The following SAMD12 variants were observed in gnomAD, a reference collection of about 807,000 sequenced individuals.
The protein encoded by SAMD12 is sterile alpha motif domain-containing protein 12.
SAMD12 carries 9 observed loss-of-function variants against 15.0 expected under a neutral mutation model. The observed-to-expected ratio is 0.60, with a 90% confidence interval of 0.36 to 1.05. The LOEUF is 1.05. Among genes scored for constraint, SAMD12 ranks in the 50% least tolerant of loss-of-function variants. The probability of loss-of-function intolerance (pLI) is 0.01; values close to 1 mark genes in which losing one functional copy is unlikely to be tolerated. For missense variants in SAMD12, 230 were observed against 234.2 expected, an observed-to-expected ratio of 0.98 and a Z score of 0.12; for synonymous variants, 86 against 90.1, an observed-to-expected ratio of 0.96 and a Z score of 0.25.
intron 4 of SAMD12, among the ~76,000 whole-genome samples, chr8:118,366,644 C>T (rs1001775581): frequency 1.3e-5 from 2 of 151,560 alleles, no homozygotes; most frequent in African/African-American, 4.9e-5. Context: ...GAAATCCCGT[C>T]TCTACTAAAA....
At chr8:118,394,842 T>G (rs1586658446) in intron 3 of SAMD12, 1 of 152,160 alleles carries the variant, frequency 6.6e-6, no homozygotes, top group East Asian at 1.9e-4. Flanking sequence ...GAGAAGGAAG[T>G]CGAGCTCATA....
intron 3 of SAMD12, among the ~76,000 whole-genome samples, chr8:118,438,114 G>T (rs569071410): frequency 6.6e-6 from 1 of 152,162 alleles, no homozygotes; most frequent in African/African-American, 2.4e-5. Flanking sequence ...TCTTAAGGGA[G>T]GAACTAAGAA....
chr8:118,584,313 A>G (rs1013927231), intron 1 of SAMD12, among the ~76,000 whole-genome samples: 1 of 151,730 alleles, frequency 6.6e-6, no homozygotes, highest in African/African-American at 2.4e-5. Context: ...AAATCAAACA[A>G]CTCTCCAATG....
At chr8:118,436,880 C>T (rs947125827) in intron 3 of SAMD12, among the ~76,000 whole-genome samples, 8 of 152,212 alleles carry the variant, frequency 5.3e-5, no homozygotes, top group African/African-American at 1.9e-4. Flanking sequence ...ACCTTCATAG[C>T]AACACTATGA....
At chr8:118,535,703 T>C (rs933918314) in intron 2 of SAMD12, among the ~76,000 whole-genome samples, 1 of 152,206 alleles carries the variant, frequency 6.6e-6, no homozygotes, top group Non-Finnish European at 1.5e-5. Context: ...CAGACTGCTG[T>C]GCCAGCAGTG....
At chr8:118,142,575 C>A in the SAMD12 span, among the ~76,000 whole-genome samples, 1 of 152,184 alleles carries the variant, frequency 6.6e-6, no homozygotes, top group African/African-American at 2.4e-5. Context: ...CTCAGATCAA[C>A]GGGCTAACTT....
intron 4 of SAMD12, among the ~76,000 whole-genome samples, chr8:118,365,385 A>C (rs775098259): frequency 6.6e-6 from 1 of 152,194 alleles, no homozygotes; most frequent in Non-Finnish European, 1.5e-5. Flanking sequence ...CTAAGTAAAG[A>C]GGAGCTGCCC....
At chr8:118,413,204 C>A (rs1821502219) in intron 3 of SAMD12, among the ~76,000 whole-genome samples, 1 of 152,118 alleles carries the variant, frequency 6.6e-6, no homozygotes, top group Admixed American at 6.5e-5. Context: ...CACCAGGAGA[C>A]AAACTTGTGA....
chr8:118,348,876 C>T (rs1817808712), intron 4 of SAMD12, among the ~76,000 whole-genome samples: 1 of 152,192 alleles, frequency 6.6e-6, no homozygotes, highest in Non-Finnish European at 1.5e-5. Context: ...CGAGGAAGCC[C>T]TGACACTCAA....
chr8:118,542,667 G>A (rs1826018590), intron 2 of SAMD12, among the ~76,000 whole-genome samples: 1 of 152,162 alleles, frequency 6.6e-6, no homozygotes, highest in Non-Finnish European at 1.5e-5. Flanking sequence ...TATATAACTA[G>A]ATCCAAGTGA....
the SAMD12 span, among the ~76,000 whole-genome samples, chr8:118,155,000 C>G: frequency 2.0e-5 from 3 of 152,112 alleles, no homozygotes; most frequent in Non-Finnish European, 4.4e-5. Context: ...GTGACATTCC[C>G]TTGGGTGACA....
chr8:118,524,220 C>T lies in SAMD12; in HGVS notation c.192+56495G>A, dbSNP rs188540767. ...AACAGGCTTTTTCCCCTTGACCACTCCACTGAGAGAGCTCTTCATGGTCAC... is the reference window on the plus strand; with the variant it reads ...AACAGGCTTTTTCCCCTTGACCACTTCACTGAGAGAGCTCTTCATGGTCAC... On this transcript the variant is annotated intron_variant, in intron 2 of 3. Transcript: ENST00000314727. 3.5e-4 allele frequency among the ~76,000 whole-genome samples: 54 copies of T among 152,240 alleles called. 1 individual carries two copies. The highest frequency in any genetic ancestry group is 3.1e-3 in the Admixed American group (48 of 15,288).
intron 4 of SAMD12, among the ~76,000 whole-genome samples, chr8:118,354,590 A>G (rs1162470020): frequency 6.6e-6 from 1 of 152,314 alleles, no homozygotes; most frequent in East Asian, 1.9e-4. Flanking sequence ...CTGGTTATTC[A>G]CATTAAAATA....
chr8:118,440,142 G>A (rs1209293410), intron 2 of SAMD12, among the ~76,000 whole-genome samples, 181 bp from the exon 3 acceptor site: 1 of 152,116 alleles, frequency 6.6e-6, no homozygotes, highest in Non-Finnish European at 1.5e-5. Flanking sequence ...ACAAAGAAAG[G>A]TCCAGGTGGA....
intron 4 of SAMD12, among the ~76,000 whole-genome samples, chr8:118,309,234 C>T (rs768058397): frequency 6.6e-6 from 1 of 152,172 alleles, no homozygotes; most frequent in Non-Finnish European, 1.5e-5. Flanking sequence ...TGAGTGAGAA[C>T]ATACAATGTT....
intron 2 of SAMD12, among the ~76,000 whole-genome samples, chr8:118,441,313 G>T (rs1010505114): frequency 4.6e-5 from 7 of 151,986 alleles, no homozygotes; most frequent in Non-Finnish European, 7.4e-5. Context: ...AAACAAATTT[G>T]AGTTTAAAGA....
At chr8:118,182,796 C>A in the SAMD12 span, among the ~76,000 whole-genome samples, 1 of 152,136 alleles carries the variant, frequency 6.6e-6, no homozygotes, top group Admixed American at 6.5e-5. Context: ...AAAGACATAT[C>A]ATACATTAAT....
intron 2 of SAMD12, among the ~76,000 whole-genome samples, chr8:118,561,605 A>G (rs1411108081): frequency 6.6e-6 from 1 of 152,198 alleles, no homozygotes; most frequent in African/African-American, 2.4e-5. Context: ...GTGGGGGAAG[A>G]TTCCTTATAA....
At chr8:118,602,459 AATC>A (rs1429477939) in intron 1 of SAMD12, among the ~76,000 whole-genome samples, 7 of 152,250 alleles carry the variant, frequency 4.6e-5, no homozygotes, top group Non-Finnish European at 7.3e-5. Flanking sequence ...TGATTAAAGG[AATC>A]ATCTTCAGAA....
Sources: gnomAD v4.1 joint callset for allele counts (sites outside exome capture counted in the v4.1 genomes callset) on GRCh38, gnomAD v4.1.1 for gene constraint, MANE v1.5 for transcripts, NCBI Gene and HGNC (gene_info 2026-07-23, HGNC 2026-07-21) for gene names.